The following PACRG variants were observed in gnomAD, a reference collection of about 807,000 sequenced individuals.
PACRG encodes the protein parkin coregulated gene protein.
PACRG carries 29 observed loss-of-function variants against 29.7 expected under a neutral mutation model. The observed-to-expected ratio is 0.98, with a 90% CI of 0.73 to 1.33. The LOEUF is 1.33. PACRG is among the 40% of genes most tolerant of loss of function. The probability of loss-of-function intolerance (pLI) is 0.00; values close to 1 mark genes in which losing one functional copy is unlikely to be tolerated. For missense variants in PACRG, 279 were observed against 316.2 expected (o/e 0.88, Z 0.89); for synonymous variants, 116 against 118.7 (o/e 0.98, Z 0.15).
At chr6:163,287,611 C>A (rs1015275879) in intron 4 of PACRG, among the ~76,000 whole-genome samples, 1 of 152,234 alleles carries the variant, frequency 6.6e-6, no homozygotes, top group African/African-American at 2.4e-5. Context: ...CAAAGGGACA[C>A]CCCGAGCCCT....
intron 4 of PACRG, among the ~76,000 whole-genome samples, chr6:163,225,569 G>A (rs1781757636): frequency 6.6e-6 from 1 of 152,192 alleles, no homozygotes; most frequent in Non-Finnish European, 1.5e-5. Flanking sequence ...GCAAGTGTTT[G>A]TAAGGATGTG....
chr6:163,041,438 A>G (rs1808711271), intron 2 of PACRG, among the ~76,000 whole-genome samples: 1 of 152,190 alleles, frequency 6.6e-6, no homozygotes, highest in South Asian at 2.1e-4. Context: ...TGTTCTCATG[A>G]TAATGAGGGA....
At chr6:163,115,602 G>A (rs1476854797) in intron 4 of PACRG, among the ~76,000 whole-genome samples, 6 of 120,184 alleles carry the variant, frequency 5.0e-5, no homozygotes, top group African/African-American at 1.6e-4. Flanking sequence ...CAAACCTGAA[G>A]GATGAAAACT....
At position 163,182,711 on chromosome 6, in the gene PACRG, A is replaced by C. The variant is rs556797405; in HGVS notation, c.613+93303A>C. 4 of 152,362 alleles carry C rather than the reference A, an allele frequency of 2.6e-5. No homozygotes were observed. The South Asian group carries it at 8.3e-4, about 32-fold the overall frequency. 9.4% of individuals were successfully genotyped at this position (152,362 alleles called of 1,614,324 possible). On this transcript the variant is annotated intron_variant, in intron 4 of 4. Coordinates refer to ENST00000366888, the MANE Select transcript of PACRG (RefSeq NM_001080379.2). ...CATTTTCACCTATGTTACCTCATTT[A>C]ATCTTCAGAACTAATCTTAAGTTGC...
chr6:163,222,261 G>C (rs1781613760), intron 4 of PACRG, among the ~76,000 whole-genome samples: 1 of 152,170 alleles, frequency 6.6e-6, no homozygotes, highest in Non-Finnish European at 1.5e-5. Context: ...GTCCCCCATG[G>C]TCCATCGCAA....
rs150867458 is a variant in PACRG, at chr6:163,089,838, A to G, written c.613+430A>G. On this transcript the variant is annotated intron_variant, in intron 4 of 4. Transcript: ENST00000366888. ...TAAGCACTATTATTAAAATCTGGTAAATGGTTTTGATGATTCATTTATTTT... is the reference window on the plus strand; with the variant it reads ...TAAGCACTATTATTAAAATCTGGTAGATGGTTTTGATGATTCATTTATTTT... 3.9e-3 allele frequency among the ~76,000 whole-genome samples: 591 copies of G among 152,246 alleles called. 4 individuals carry two copies. Among genetic ancestry groups the G allele is most frequent in the African/African-American group, 0.013 (547 of 41,548 alleles).
intron 2 of PACRG, among the ~76,000 whole-genome samples, chr6:163,000,654 G>C (rs891231462): frequency 6.6e-6 from 1 of 152,168 alleles, no homozygotes; most frequent in Non-Finnish European, 1.5e-5. Context: ...GAGGACTGGG[G>C]ATGACACACA....
intron 2 of PACRG, among the ~76,000 whole-genome samples, chr6:163,002,650 T>G (rs925905059): frequency 4.6e-5 from 7 of 152,218 alleles, no homozygotes; most frequent in Non-Finnish European, 8.8e-5. Flanking sequence ...CTTCACGTTT[T>G]GCAAAACAGT....
upstream of PACRG, chr6:162,727,795 CT>C (rs1779383241): frequency 2.0e-6 from 2 of 1,022,550 alleles, no homozygotes; most frequent in African/African-American, 1.6e-5. Context: ...GCGCCCGGCC[CT>C]AGGAATGCGC....
At chr6:163,173,507 C>T (rs1221457617) in intron 4 of PACRG, among the ~76,000 whole-genome samples, 1 of 152,168 alleles carries the variant, frequency 6.6e-6, no homozygotes, top group African/African-American at 2.4e-5. Flanking sequence ...TGAATGTCCC[C>T]CTTAGAGGCA....
At chr6:163,169,748 C>T (rs945079325) in intron 4 of PACRG, among the ~76,000 whole-genome samples, 6 of 152,076 alleles carry the variant, frequency 3.9e-5, no homozygotes, top group African/African-American at 1.2e-4. Flanking sequence ...GCAGGCTGGG[C>T]GGGGAGGGGC....
chr6:162,874,268 T>C (rs1793099710), intron 2 of PACRG, among the ~76,000 whole-genome samples: 1 of 152,002 alleles, frequency 6.6e-6, no homozygotes, highest in African/African-American at 2.4e-5. Flanking sequence ...AAAGAACTTT[T>C]ATTAATAAGA....
At chr6:163,133,732 C>G (rs1330912882) in intron 4 of PACRG, among the ~76,000 whole-genome samples, 1 of 152,200 alleles carries the variant, frequency 6.6e-6, no homozygotes, top group Admixed American at 6.5e-5. Context: ...AGCAATGTTA[C>G]AAACTAAAAT....
intron 3 of PACRG, among the ~76,000 whole-genome samples, chr6:163,079,716 T>G (rs967137065): frequency 1.3e-5 from 2 of 152,014 alleles, no homozygotes; most frequent in African/African-American, 2.4e-5. Context: ...TTCAAACTCC[T>G]TCTTGGAAAT....
At chr6:162,996,504 A>G (rs1804068659) in intron 2 of PACRG, among the ~76,000 whole-genome samples, 1 of 152,154 alleles carries the variant, frequency 6.6e-6, no homozygotes, top group African/African-American at 2.4e-5. Context: ...AGAGCTAGAG[A>G]AAACAGAAAC....
intron 3 of PACRG, among the ~76,000 whole-genome samples, chr6:163,081,493 C>T (rs1014996731): frequency 5.3e-5 from 8 of 152,162 alleles, no homozygotes; most frequent in South Asian, 2.1e-4. Context: ...TGGTGGCTCA[C>T]GCCTGTTAAT....
intron 3 of PACRG, among the ~76,000 whole-genome samples, chr6:163,079,915 T>TTTTTTTTTA (rs1812920421): frequency 6.8e-6 from 1 of 146,134 alleles, no homozygotes; most frequent in African/African-American, 2.5e-5. Context: ...TTTTTTTTTT[T>TTTTTTTTTA]GAGATGGAGT....
At chr6:162,758,946 A>AT (rs891123975) in intron 1 of PACRG, among the ~76,000 whole-genome samples, 3 of 152,236 alleles carry the variant, frequency 2.0e-5, no homozygotes, top group South Asian at 2.1e-4. Context: ...GACCCACTAT[A>AT]TAAAAAATTA....
intron 2 of PACRG, among the ~76,000 whole-genome samples, chr6:163,040,286 C>T (rs949461685): frequency 1.3e-5 from 2 of 152,366 alleles, no homozygotes; most frequent in East Asian, 3.9e-4. Context: ...GAGCCTCTGC[C>T]TAGATTTCAG....
Sources: allele counts gnomAD v4.1 joint callset (sites outside exome capture counted in the v4.1 genomes callset), GRCh38; gene constraint gnomAD v4.1.1; transcripts MANE v1.5; gene names NCBI Gene and HGNC (gene_info 2026-07-23, HGNC 2026-07-21).